Variants in CLCN1 observed in about 807,000 individuals in gnomAD.
The protein encoded by CLCN1 is chloride channel protein 1.
A neutral mutation model predicts 114.5 loss-of-function variants in CLCN1; 100 were observed. The observed-to-expected ratio is 0.87, with a 90% CI of 0.74 to 1.03. The LOEUF (loss-of-function observed/expected upper bound fraction) is 1.03. Ranked by LOEUF, CLCN1 falls within the 50% of genes least tolerant of loss-of-function variation. The probability of loss-of-function intolerance (pLI) is 0.00; values close to 1 mark genes in which losing one functional copy is unlikely to be tolerated. For synonymous variants in CLCN1, 485 were observed against 487.1 expected (o/e 1.00, Z 0.06); for missense variants, 1,188 against 1,250.0 (o/e 0.95, Z 0.75).
chr7:143,329,862 C>T (rs527399415), intron 7 of CLCN1, among the ~76,000 whole-genome samples: 1 of 152,226 alleles, frequency 6.6e-6, no homozygotes, highest in Admixed American at 6.5e-5. Context: ...TCCACCCCCC[C>T]TTATTCTTAA....
In CLCN1 at chr7:143,339,278, C is replaced by G. The variant is rs757591414; in HGVS notation, c.1427C>G (p.Thr476Ser). ...MKFWMSIVATTMPIPCGGFMP... is the reference protein window; with the variant it reads ...MKFWMSIVATSMPIPCGGFMP... ...TTCTGGATGTCCATCGTGGCCACCACTATGCCCATACCCTGCGGAGGCTTC... is the reference window on the plus strand; with the variant it reads ...TTCTGGATGTCCATCGTGGCCACCAGTATGCCCATACCCTGCGGAGGCTTC... The change falls in exon 13 of 23, where the codon ACT becomes AGT. Residue 476 changes from threonine (T) to serine (S), a missense_variant. Thr to Ser is a moderately conservative substitution (Grantham distance 58). Transcript: ENST00000343257. The surrounding 1 kb of genome is among the most constrained non-coding windows in gnomAD (Gnocchi z 4.1). 2 of 1,613,030 alleles carry G rather than the reference C, an allele frequency of 1.2e-6. No homozygotes were observed. The highest frequency in any genetic ancestry group is 2.7e-5 in the African/African-American group (2 of 74,910).
intron 17 of CLCN1, 37 bp downstream of exon 17, chr7:143,345,799 T>C (rs1333926891): frequency 5.0e-6 from 8 of 1,599,180 alleles, no homozygotes; most frequent in South Asian, 3.4e-5. Context: ...GTGGGATAGA[T>C]CAGGAGCAAA....
chr7:143,336,620 A>AGAAG (rs761731394), intron 12 of CLCN1, among the ~76,000 whole-genome samples: 1 of 139,390 alleles, frequency 7.2e-6, no homozygotes, highest in Non-Finnish European at 1.5e-5. Context: ...AAAAAAAAAA[A>AGAAG]AAAAAGAAGA....
At chr7:143,346,850 G>A in intron 19 of CLCN1, 61 bp from the exon 20 acceptor site, 1 of 1,490,412 alleles carries the variant, frequency 6.7e-7, no homozygotes, top group Non-Finnish European at 9.4e-7. Flanking sequence ...GTTTCATTGG[G>A]AGCCATAGCT....
intron 16 of CLCN1, 107 bp from the exon 17 acceptor site, chr7:143,345,414 G>A: frequency 7.4e-7 from 1 of 1,357,438 alleles, no homozygotes; most frequent in South Asian, 1.6e-5. Context: ...AAGATGTGGG[G>A]ACGCCGGGCA....
Position 143,351,739 on chromosome 7 carries a change from C to G in CLCN1, c.2741C>G (p.Pro914Arg), listed in dbSNP as rs762103571. Residue 914 changes from proline (P) to arginine (R), a missense_variant, in exon 23 of 23, where the codon CCT becomes CGT. Physicochemically the swap from Pro to Arg is moderately radical, Grantham distance 103. Transcript: ENST00000343257. ...AENWNLPEDR[P>R]GATGTGDVIA... The stretch of plus-strand genomic sequence containing the variant: ...AACTGGAACCTGCCTGAGGACAGGC[C>G]TGGGGCCACTGGAACAGGGGATGTG... 6.2e-7 allele frequency: 1 copy of G among 1,614,206 alleles called. No homozygotes were observed. Among genetic ancestry groups the G allele is most frequent in the Non-Finnish European group, 8.5e-7 (1 of 1,180,034 alleles).
At chr7:143,316,500 T>C in intron 1 of CLCN1, 108 bp downstream of exon 1, 1 of 1,067,940 alleles carries the variant, frequency 9.4e-7, no homozygotes, top group East Asian at 2.4e-5. Context: ...TGTTACATTT[T>C]TTTAACTTAA....
Position 143,324,269 on chromosome 7 carries a change from G to T in CLCN1, c.775-145G>T. On this transcript the variant is annotated intron_variant, in intron 6 of 22. Transcript: ENST00000343257. This position sits in a 1 kb window ranked among gnomAD's most constrained non-coding sequence, Gnocchi z 4.6. The stretch of plus-strand genomic sequence containing the variant: ...ACTCACTGAGTTTCTCTTGGCCTGG[G>T]AATCACAGGGGACATGGGACCACAA... 1 of 718,532 alleles carries T rather than the reference G, an allele frequency of 1.4e-6. No individual in the cohort carries two copies. The highest frequency in any genetic ancestry group is 1.5e-5 in the South Asian group (1 of 67,608). The allele number at this position is 718,532 out of a possible 1,614,324, so 44.5% of individuals were successfully genotyped here. A position where few individuals can be genotyped will look rare whatever the true frequency, so the allele number is the denominator to read the frequency against.
intron 7 of CLCN1, among the ~76,000 whole-genome samples, chr7:143,328,757 G>A (rs1802642770): frequency 6.6e-6 from 1 of 152,126 alleles, no homozygotes; most frequent in Non-Finnish European, 1.5e-5. Context: ...GTGAAGAGCA[G>A]GGCAGAAGGG....
rs768133575 is a variant in CLCN1 at position 143,350,437 on chromosome 7, G to GTC, written c.2472_2473dup (p.Pro825LeufsTer28). On this transcript the variant is annotated frameshift_variant, in exon 21 of 23. Transcript: ENST00000343257. LOFTEE classifies it high-confidence loss of function. This position sits in a 1 kb window ranked among gnomAD's most constrained non-coding sequence, Gnocchi z 5.1. The stretch of plus-strand genomic sequence containing the variant: ...GTTTTGATTCCTGCTGTATTGACCA[G>GTC]TCTCCCTTCCAGCTGGTGGAGCAGA... The GTC allele has an allele frequency of 2.5e-6, 4 of 1,614,182 alleles. No homozygotes were observed. In the South Asian group the frequency reaches 4.4e-5, roughly 18 times the overall value.
chr7:143,348,883 G>A (rs1803322148), intron 20 of CLCN1, among the ~76,000 whole-genome samples: 1 of 152,170 alleles, frequency 6.6e-6, no homozygotes, highest in Non-Finnish European at 1.5e-5. Flanking sequence ...CAGCAGTCAA[G>A]GTTAGAAGCC....
chr7:143,351,874 G>A lies in CLCN1; in HGVS notation c.2876G>A (p.Ser959Asn). Reference sequence around the variant, plus strand: ...TTGGAGGAGCTGGAGCTGGTGGAGAGTCCAGGGCTGGAAGAGGAGCTGGCC... The same window carrying A: ...TTGGAGGAGCTGGAGCTGGTGGAGAATCCAGGGCTGGAAGAGGAGCTGGCC... ...GELEELELVE[S>N]PGLEEELADI... Residue 959 changes from serine to asparagine, a missense_variant, in exon 23 of 23, where the codon AGT becomes AAT. Transcript: ENST00000343257. 6.2e-7 allele frequency: 1 copy of A among 1,614,126 alleles called. No individual in the cohort carries two copies. The highest frequency in any genetic ancestry group is 1.3e-5 in the African/African-American group (1 of 75,054).
At chr7:143,334,843 T>C (rs1262550340) in intron 12 of CLCN1, among the ~76,000 whole-genome samples, 3 of 152,248 alleles carry the variant, frequency 2.0e-5, no homozygotes, top group African/African-American at 4.8e-5. Context: ...ATTTTACATT[T>C]TTATCATGAA....
chr7:143,328,050 T>A (rs1802619772), intron 7 of CLCN1, among the ~76,000 whole-genome samples: 1 of 152,184 alleles, frequency 6.6e-6, no homozygotes, highest in Admixed American at 6.5e-5. Context: ...GTGGTGTTAG[T>A]AACCAAGACT....
At chr7:143,338,855 G>A (rs1472988480) in intron 12 of CLCN1, among the ~76,000 whole-genome samples, 1 of 151,702 alleles carries the variant, frequency 6.6e-6, no homozygotes, top group Admixed American at 6.6e-5. Context: ...AACCTGAGTA[G>A]GAAAAGTCTT....
chr7:143,341,666 G>T (rs760963991), intron 14 of CLCN1, among the ~76,000 whole-genome samples: 1 of 151,972 alleles, frequency 6.6e-6, no homozygotes. Context: ...GAATGGATAG[G>T]ACATCACTAT....
In CLCN1 at chr7:143,332,517, G is replaced by T; in HGVS notation, c.1251+14G>T. The stretch of plus-strand genomic sequence containing the variant: ...ATGGCTGGAGAGGTCAGCTGTTGGT[G>T]GGGCCACATGGTAAAGAGGAAACAG... On this transcript the variant is annotated intron_variant, in intron 11 of 22. Coordinates refer to ENST00000343257, the MANE Select transcript of CLCN1 (RefSeq NM_000083.3). 6.2e-7 allele frequency: 1 copy of T among 1,602,448 alleles called. No individual in the cohort carries two copies. The highest frequency in any genetic ancestry group is 8.6e-7 in the Non-Finnish European group (1 of 1,169,346).
chr7:143,322,837 C>T lies in CLCN1; in HGVS notation c.697-472C>T, dbSNP rs540050409. Among the ~76,000 whole-genome samples, 38 of 152,362 alleles carry T rather than the reference C, an allele frequency of 2.5e-4. 2 individuals are homozygous for T. Among genetic ancestry groups the T allele is most frequent in the African/African-American group, 9.1e-4 (38 of 41,594 alleles). On this transcript the variant is annotated intron_variant, in intron 5 of 22. Transcript: ENST00000343257. ...CGCCCGGCCTTATCAGAACTTCTTGCGTGGCCTTCGAGACCGTGGACTCTG... is the reference window on the plus strand; with the variant it reads ...CGCCCGGCCTTATCAGAACTTCTTGTGTGGCCTTCGAGACCGTGGACTCTG...
At position 143,332,766 on chromosome 7, in the gene CLCN1, A is replaced by G. The variant is rs775263957; in HGVS notation, c.1294A>G (p.Thr432Ala). 3.1e-6 allele frequency: 5 copies of G among 1,614,112 alleles called. No homozygotes were observed. The highest frequency in any genetic ancestry group is 1.7e-5 in the Admixed American group (1 of 60,010). Residue 432 changes from threonine (T) to alanine (A), a missense_variant, in exon 12 of 23, where the codon ACA becomes GCA. Thr to Ala is a moderately conservative substitution (Grantham distance 58). Transcript: ENST00000343257. ...CATCAGTACTTTGTTTGACAACAAT[A>G]CATGGGTGAAACACGCGGGTGATCC... Reference protein sequence around the residue: ...EAISTLFDNNTWVKHAGDPES... With the variant: ...EAISTLFDNNAWVKHAGDPES...
Sources: allele counts gnomAD v4.1 joint callset (sites outside exome capture counted in the v4.1 genomes callset), GRCh38; gene constraint gnomAD v4.1.1; non-coding constraint Gnocchi (gnomAD v3.1); transcripts MANE v1.5; gene names NCBI Gene and HGNC (gene_info 2026-07-23, HGNC 2026-07-21).